AFG1L: variants seen among roughly 807,000 people sequenced by gnomAD.
The protein encoded by AFG1L is AFG1-like ATPase.
AFG1L carries 53 observed loss-of-function variants against 62.2 expected under a neutral mutation model. The ratio of observed to expected loss-of-function variants is 0.85; its 90% CI spans 0.68 to 1.07. The LOEUF is 1.07. Ranked by LOEUF, AFG1L falls within the 50% of genes least tolerant of loss-of-function variation. AFG1L has a pLI of 0.00. For missense variants in AFG1L, 555 were observed against 590.5 expected (o/e 0.94, Z 0.62); for synonymous variants, 228 against 210.3 (o/e 1.08, Z -0.73).
intron 7 of AFG1L, among the ~76,000 whole-genome samples, chr6:108,416,776 C>T (rs543441558): frequency 5.9e-5 from 9 of 151,832 alleles, no homozygotes; most frequent in South Asian, 2.1e-4. Flanking sequence ...GCCTGTCATG[C>T]GGTGTGGGGA....
chr6:108,295,518 G>A (rs1776734039), intron 1 of AFG1L, among the ~76,000 whole-genome samples: 1 of 152,122 alleles, frequency 6.6e-6, no homozygotes, highest in South Asian at 2.1e-4. Context: ...AAGAGATGCA[G>A]GTGTGGGGTT....
At chr6:108,433,234 T>C (rs895093634) in intron 7 of AFG1L, among the ~76,000 whole-genome samples, 1 of 152,144 alleles carries the variant, frequency 6.6e-6, no homozygotes, top group Non-Finnish European at 1.5e-5. Flanking sequence ...TTCTGATACA[T>C]GTGACTAAGT....
chr6:108,437,929 A>G (rs1771380601), intron 7 of AFG1L, among the ~76,000 whole-genome samples: 1 of 152,198 alleles, frequency 6.6e-6, no homozygotes, highest in Non-Finnish European at 1.5e-5. Flanking sequence ...TCAGCCACCT[A>G]CAAACTATGT....
intron 10 of AFG1L, among the ~76,000 whole-genome samples, chr6:108,488,809 G>A (rs1234626547): frequency 2.0e-5 from 3 of 151,998 alleles, no homozygotes; most frequent in African/African-American, 4.8e-5. Context: ...CCAAGATTGC[G>A]CCATTGCACT....
chr6:108,511,121 T>G (rs1006249436), intron 11 of AFG1L, among the ~76,000 whole-genome samples: 404 of 113,820 alleles, frequency 3.5e-3, no homozygotes, highest in African/African-American at 4.1e-3. Context: ...GAAGAAGAAG[T>G]AGAAGGAGGA....
intron 7 of AFG1L, among the ~76,000 whole-genome samples, chr6:108,424,551 A>G (rs989757889): frequency 6.6e-6 from 1 of 152,058 alleles, no homozygotes; most frequent in African/African-American, 2.4e-5. Flanking sequence ...CATCAGGGAA[A>G]TTAGGATGTT....
chr6:108,478,064 TA>T (rs1317297446), intron 10 of AFG1L, among the ~76,000 whole-genome samples: 2 of 152,224 alleles, frequency 1.3e-5, no homozygotes, highest in African/African-American at 4.8e-5. Context: ...GACTTTTAGG[TA>T]ACTAAAGAAC....
In AFG1L at chr6:108,507,589, G is replaced by A. The variant is rs75197708; in HGVS notation, c.1063-2623G>A. Among the ~76,000 whole-genome samples the A allele has an allele frequency of 5.3e-4, 81 of 152,342 alleles. No homozygotes were observed. The East Asian group carries it at 7.1e-3, about 13-fold the overall frequency. ...TCTGATAATGATTTTCCTTGGGCAT[G>A]TAGTTATTCTGATAGAAATCACATC... On this transcript the variant is annotated intron_variant, in intron 10 of 12. Coordinates refer to ENST00000368977, the MANE Select transcript of AFG1L (RefSeq NM_145315.5).
At chr6:108,361,045 A>G (rs1485397732) in intron 5 of AFG1L, among the ~76,000 whole-genome samples, 1 of 152,234 alleles carries the variant, frequency 6.6e-6, no homozygotes, top group Non-Finnish European at 1.5e-5. Context: ...GGAGCTGGAC[A>G]TAGGTGTTTA....
At chr6:108,473,839 G>A (rs954159644) in intron 8 of AFG1L, among the ~76,000 whole-genome samples, 20 of 152,268 alleles carry the variant, frequency 1.3e-4, no homozygotes, top group African/African-American at 3.8e-4. Context: ...GATTACAGGC[G>A]TGAGCCACTA....
intron 7 of AFG1L, among the ~76,000 whole-genome samples, chr6:108,434,555 C>T (rs1304033684): frequency 6.6e-6 from 1 of 152,174 alleles, no homozygotes. Context: ...TCACATCTTT[C>T]CTAGATTTTT....
At chr6:108,440,360 G>C (rs1350287598) in intron 7 of AFG1L, among the ~76,000 whole-genome samples, 5 of 151,560 alleles carry the variant, frequency 3.3e-5, no homozygotes, top group Admixed American at 6.6e-5. Flanking sequence ...GTAGAGATGG[G>C]GTTTCAACAT....
chr6:108,387,685 A>G (rs1780830280), intron 6 of AFG1L: 5 of 152,228 alleles, frequency 3.3e-5, no homozygotes, highest in Admixed American at 3.3e-4. Context: ...AATTGATTAC[A>G]TGATTTTTAA....
rs1562104766 is a variant in AFG1L at position 108,356,705 on chromosome 6, A to T, written c.533A>T (p.Lys178Ile). 1.2e-6 allele frequency: 2 copies of T among 1,611,280 alleles called. No homozygotes were observed. The highest frequency in any genetic ancestry group is 1.7e-6 in the Non-Finnish European group (2 of 1,178,760). The change falls in exon 5 of 13, where the codon AAA (lysine) becomes ATA (isoleucine). Residue 178 changes from lysine to isoleucine, a missense_variant. Physicochemically the swap from Lys to Ile is moderately radical, Grantham distance 102. Transcript: ENST00000368977. ...TGCATTTAAGGAATACATCGCCTTA[A>T]ACAGAGTTTGCCAAAAAGGAAACCA... ...LDVHKRIHRL[K>I]QSLPKRKPGF... is the part of the protein sequence containing the mutation.
At position 108,355,636 on chromosome 6, in the gene AFG1L, A is replaced by T. The variant is rs752915845; in HGVS notation, c.416-18A>T. On this transcript the variant is annotated intron_variant, in intron 3 of 12. Coordinates refer to ENST00000368977, the MANE Select transcript of AFG1L (RefSeq NM_145315.5). ...CATACTATTTAATAGTATTCTTAAAATTTTTTTTATTTTTAAGGTACAGGA... is the reference window on the plus strand; with the variant it reads ...CATACTATTTAATAGTATTCTTAAATTTTTTTTTATTTTTAAGGTACAGGA... 39 of 1,412,478 alleles carry T rather than the reference A, an allele frequency of 2.8e-5. No homozygotes were observed. The highest frequency in any genetic ancestry group is 1.2e-4 in the East Asian group (5 of 43,370). The allele number at this position is 1,412,478 out of a possible 1,614,324, so 87.5% of individuals were successfully genotyped here. A position where few individuals can be genotyped will look rare whatever the true frequency, so the allele number is the denominator to read the frequency against.
intron 10 of AFG1L, among the ~76,000 whole-genome samples, chr6:108,491,868 T>A (rs944231504): frequency 1.3e-5 from 2 of 152,162 alleles, no homozygotes; most frequent in Non-Finnish European, 2.9e-5. Flanking sequence ...AAAGCAACTC[T>A]TCAATATCCA....
intron 6 of AFG1L, among the ~76,000 whole-genome samples, chr6:108,395,885 C>G (rs994383731): frequency 1.3e-5 from 2 of 151,846 alleles, no homozygotes; most frequent in Middle Eastern, 3.4e-3. Flanking sequence ...GGCTGGTCAC[C>G]CAGGCTGGAG....
At chr6:108,446,612 C>A (rs1395652228) in intron 7 of AFG1L, among the ~76,000 whole-genome samples, 1 of 151,582 alleles carries the variant, frequency 6.6e-6, no homozygotes, top group Non-Finnish European at 1.5e-5. Context: ...TCAAGCAATG[C>A]TCGCAGCTTA....
At chr6:108,358,816 G>A (rs151324737) in intron 5 of AFG1L, among the ~76,000 whole-genome samples, 241 of 152,354 alleles carry the variant, frequency 1.6e-3, no homozygotes, top group African/African-American at 4.8e-3. Flanking sequence ...TTACAGGTGT[G>A]AGCCACCAAG....
Sources: allele counts gnomAD v4.1 joint callset (sites outside exome capture counted in the v4.1 genomes callset), GRCh38; gene constraint gnomAD v4.1.1; transcripts MANE v1.5; gene names NCBI Gene and HGNC (gene_info 2026-07-23, HGNC 2026-07-21).